The following NKAIN2 variants were observed in gnomAD, a reference collection of about 807,000 sequenced individuals.
NKAIN2 encodes sodium/potassium transporting ATPase interacting 2.
NKAIN2 carries 14 observed loss-of-function variants against 32.6 expected under a neutral mutation model. The observed-to-expected ratio is 0.43, with a 90% confidence interval of 0.28 to 0.67. The LOEUF is 0.67. Ranked by LOEUF, NKAIN2 falls within the 30% of genes least tolerant of loss-of-function variation. NKAIN2 has a pLI of 0.17. For synonymous variants in NKAIN2, 80 were observed against 87.2 expected, an observed-to-expected ratio of 0.92 and a Z score of 0.46; for missense variants, 198 against 258.3, an observed-to-expected ratio of 0.77 and a Z score of 1.60.
chr6:124,232,913 C>T (rs985704843), intron 1 of NKAIN2, among the ~76,000 whole-genome samples: 7 of 152,088 alleles, frequency 4.6e-5, no homozygotes, highest in Non-Finnish European at 8.8e-5. Flanking sequence ...TTTATGAAAA[C>T]TTATGTTATT....
chr6:124,368,512 T>C (rs1019646573), intron 3 of NKAIN2, among the ~76,000 whole-genome samples: 2 of 152,188 alleles, frequency 1.3e-5, no homozygotes, highest in African/African-American at 4.8e-5. Context: ...ATATGATGGG[T>C]ATTGAAAGAG....
chr6:123,997,585 C>G (rs1779676279), intron 1 of NKAIN2, among the ~76,000 whole-genome samples: 2 of 148,232 alleles, frequency 1.3e-5, no homozygotes, highest in African/African-American at 5.0e-5. Flanking sequence ...TTATCACTAA[C>G]TGGAGTTTAT....
intron 3 of NKAIN2, among the ~76,000 whole-genome samples, chr6:124,400,433 A>G (rs955460117): frequency 6.6e-6 from 1 of 152,072 alleles, no homozygotes; most frequent in African/African-American, 2.4e-5. Context: ...GGGAAAAGGA[A>G]CTGGATTCTA....
chr6:124,621,061 TG>T (rs1431506581), intron 3 of NKAIN2, among the ~76,000 whole-genome samples: 7 of 152,212 alleles, frequency 4.6e-5, no homozygotes, highest in Admixed American at 2.0e-4. Flanking sequence ...TGGAATCACC[TG>T]GGGACCTTTA....
rs1410769756 is a variant in NKAIN2 at position 124,806,439 on chromosome 6, T to A, written c.536-11948T>A. Among the ~76,000 whole-genome samples the A allele has an allele frequency of 2.0e-5, 3 of 151,950 alleles. No homozygotes were observed. In the East Asian group the frequency reaches 5.8e-4, roughly 29 times the overall value. ...AAATACTTTACAGACAAGCAAATGC[T>A]GAGAGATTTTGTCACCACCAGGCCT... On this transcript the variant is annotated intron_variant, in intron 5 of 6. Coordinates refer to ENST00000368417, the MANE Select transcript of NKAIN2 (RefSeq NM_001040214.3).
At chr6:124,257,228 A>G (rs1031231575) in intron 1 of NKAIN2, among the ~76,000 whole-genome samples, 1 of 152,010 alleles carries the variant, frequency 6.6e-6, no homozygotes, top group Non-Finnish European at 1.5e-5. Flanking sequence ...AGGGTAAAAC[A>G]TTCTCTGGGA....
At position 123,893,729 on chromosome 6, in the gene NKAIN2, C is replaced by G. The variant is rs540501018; in HGVS notation, c.54+89475C>G. Among the ~76,000 whole-genome samples, 15 of 152,240 alleles carry G rather than the reference C, an allele frequency of 9.9e-5. No homozygotes were observed. In the South Asian group the frequency reaches 3.1e-3, roughly 32 times the overall value. Reference sequence around the variant, plus strand: ...ATTCAAATAAAAGGCAGCTATGAAGCCTTAAAAGTACAGATCTATAATGTG... The same window carrying G: ...ATTCAAATAAAAGGCAGCTATGAAGGCTTAAAAGTACAGATCTATAATGTG... On this transcript the variant is annotated intron_variant, in intron 1 of 6. Coordinates refer to ENST00000368417, the MANE Select transcript of NKAIN2 (RefSeq NM_001040214.3).
chr6:123,804,389 T>C (rs969975322), intron 1 of NKAIN2, 135 bp downstream of exon 1: 1 of 774,962 alleles, frequency 1.3e-6, no homozygotes. Context: ...ATTGCCTATA[T>C]TGAAGATGAT....
At chr6:124,143,431 C>A (rs1445245043) in intron 1 of NKAIN2, among the ~76,000 whole-genome samples, 3 of 152,100 alleles carry the variant, frequency 2.0e-5, no homozygotes, top group Non-Finnish European at 2.9e-5. Flanking sequence ...CTGTACTCCA[C>A]CCTGGGTGGC....
chr6:124,173,892 T>C (rs1789024511), intron 1 of NKAIN2, among the ~76,000 whole-genome samples: 1 of 152,128 alleles, frequency 6.6e-6, no homozygotes, highest in African/African-American at 2.4e-5. Context: ...TAATTGATAA[T>C]TTTAATCATT....
intron 1 of NKAIN2, among the ~76,000 whole-genome samples, chr6:123,957,746 G>A (rs1777661718): frequency 6.6e-6 from 1 of 152,002 alleles, no homozygotes; most frequent in African/African-American, 2.4e-5. Context: ...TCTTTATTAT[G>A]CCTTATTAAA....
Position 124,355,267 on chromosome 6 carries a change from T to A in NKAIN2, c.193T>A (p.Tyr65Asn). 6.3e-7 allele frequency: 1 copy of A among 1,589,308 alleles called. No homozygotes were observed. The highest frequency in any genetic ancestry group is 8.6e-7 in the Non-Finnish European group (1 of 1,157,622). ...IQYRPRYITG[Y>N]AVWLVLWVTW... ...TTATTTCTCTCTTGCTTCTCTACAG[T>A]ATGCTGTCTGGCTAGTCCTCTGGGT... Residue 65 changes from tyrosine to asparagine, a missense_variant and splice_region_variant, in exon 3 of 7, where the codon TAT becomes AAT. By Grantham distance (143) the Tyr-to-Asn change is moderately radical. Coordinates refer to ENST00000368417, the MANE Select transcript of NKAIN2 (RefSeq NM_001040214.3).
intron 3 of NKAIN2, among the ~76,000 whole-genome samples, chr6:124,391,666 T>C (rs1554199593): frequency 6.6e-6 from 1 of 152,140 alleles, no homozygotes; most frequent in Non-Finnish European, 1.5e-5. Context: ...ATTTTTCAAG[T>C]TGTCTTCTAA....
chr6:124,369,273 G>C (rs1303539904), intron 3 of NKAIN2, among the ~76,000 whole-genome samples: 1 of 152,124 alleles, frequency 6.6e-6, no homozygotes, highest in African/African-American at 2.4e-5. Context: ...TATTTATGGA[G>C]TCATGTAAAA....
intron 5 of NKAIN2, among the ~76,000 whole-genome samples, chr6:124,810,917 G>GAAA (rs112717446): frequency 2.6e-5 from 3 of 113,460 alleles, no homozygotes; most frequent in South Asian, 5.7e-4. Context: ...TCCTTATCAG[G>GAAA]AAAAAAAAAA....
chr6:124,630,819 G>A (rs1783536501), intron 3 of NKAIN2, among the ~76,000 whole-genome samples: 1 of 152,140 alleles, frequency 6.6e-6, no homozygotes, highest in African/African-American at 2.4e-5. Context: ...TCCACGCGAA[G>A]TAACAATGTA....
chr6:124,030,450 A>G (rs1258367152), intron 1 of NKAIN2, among the ~76,000 whole-genome samples: 3 of 152,080 alleles, frequency 2.0e-5, no homozygotes. Flanking sequence ...TTTCCACAAA[A>G]CTTTGCTTTT....
Position 124,246,075 on chromosome 6 carries a change from G to A in NKAIN2, c.55-36930G>A, listed in dbSNP as rs538857469. Among the ~76,000 whole-genome samples the A allele has an allele frequency of 2.6e-5, 4 of 151,986 alleles. No individual in the cohort carries two copies. In the East Asian group the frequency reaches 7.8e-4, roughly 29 times the overall value. On this transcript the variant is annotated intron_variant, in intron 1 of 6. Coordinates refer to ENST00000368417, the MANE Select transcript of NKAIN2 (RefSeq NM_001040214.3). The stretch of plus-strand genomic sequence containing the variant: ...TACATTCAGCACCCCTCCTCAAAGC[G>A]GTTTTTGTTTTTAGTGTCTCAAAAC...
chr6:124,791,325 C>G lies in NKAIN2; in HGVS notation c.475-14C>G, dbSNP rs1562385394. The G allele has an allele frequency of 6.2e-7, 1 of 1,604,304 alleles. No individual in the cohort carries two copies. The highest frequency in any genetic ancestry group is 8.5e-7 in the Non-Finnish European group (1 of 1,172,532). ...CCTTTTTCTGATGTCTAAAGCATCT[C>G]TGTTTTGTTTCAGCTGGCAGGTTTC... On this transcript the variant is annotated splice_polypyrimidine_tract_variant and intron_variant, in intron 4 of 6. Transcript: ENST00000368417.
Sources: gnomAD v4.1 joint callset for allele counts (sites outside exome capture counted in the v4.1 genomes callset) on GRCh38, gnomAD v4.1.1 for gene constraint, MANE v1.5 for transcripts, NCBI Gene and HGNC (gene_info 2026-07-23, HGNC 2026-07-21) for gene names.